CFAP210: variants seen among roughly 807,000 people sequenced by gnomAD.
The protein encoded by CFAP210 is cilia and flagella associated protein 210.
the CFAP210 span, chr2:169,694,374 A>G: frequency 1.3e-6 from 2 of 1,581,888 alleles, no homozygotes; most frequent in South Asian, 1.1e-5. Context: ...AGCGCCGCGG[A>G]CGCCAGCCGG....
At chr2:169,664,600 T>A in the CFAP210 span, among the ~76,000 whole-genome samples, 2 of 152,226 alleles carry the variant, frequency 1.3e-5, no homozygotes, top group South Asian at 4.1e-4. Flanking sequence ...CAAAGTTAAC[T>A]TGTTGAAGTA....
chr2:169,660,599 TA>T, the CFAP210 span, among the ~76,000 whole-genome samples: 2 of 104,954 alleles, frequency 1.9e-5, no homozygotes, highest in South Asian at 3.3e-4. Context: ...TATATATATA[TA>T]TATATTTTTT....
At chr2:169,673,691 A>C in the CFAP210 span, among the ~76,000 whole-genome samples, 15 of 152,306 alleles carry the variant, frequency 9.8e-5, 1 homozygote, top group Non-Finnish European at 2.2e-4. Context: ...TCAGGAAAAA[A>C]GTCTGTGTCG....
At chr2:169,655,533 T>A in the CFAP210 span, among the ~76,000 whole-genome samples, 1 of 152,364 alleles carries the variant, frequency 6.6e-6, no homozygotes, top group East Asian at 1.9e-4. Flanking sequence ...TTTTGGATAA[T>A]TCCTTACATG....
the CFAP210 span, among the ~76,000 whole-genome samples, chr2:169,654,379 T>C: frequency 6.6e-6 from 1 of 152,362 alleles, no homozygotes; most frequent in South Asian, 2.1e-4. Context: ...TAAAGGTTTA[T>C]GTGTCATGTA....
chr2:169,646,918 TAAC>T, the CFAP210 span, among the ~76,000 whole-genome samples: 1 of 152,168 alleles, frequency 6.6e-6, no homozygotes, highest in African/African-American at 2.4e-5. Context: ...TTTTTTAAAA[TAAC>T]AGTTACTTTG....
At chr2:169,694,360 G>A in the CFAP210 span, 2 of 1,604,808 alleles carry the variant, frequency 1.2e-6, no homozygotes, top group African/African-American at 2.7e-5. Context: ...TGACTGTGGC[G>A]CCAAGCGCCG....
At chr2:169,678,696 G>A in the CFAP210 span, among the ~76,000 whole-genome samples, 6 of 151,354 alleles carry the variant, frequency 4.0e-5, no homozygotes, top group East Asian at 2.0e-4. Flanking sequence ...ATGATGGTGC[G>A]GGCCTGTATT....
chr2:169,671,853 A>G, the CFAP210 span, among the ~76,000 whole-genome samples: 1 of 152,226 alleles, frequency 6.6e-6, no homozygotes, highest in Non-Finnish European at 1.5e-5. Flanking sequence ...GAGGTTGTTC[A>G]ATAAATGTTT....
the CFAP210 span, among the ~76,000 whole-genome samples, chr2:169,682,485 T>TACACAC: frequency 1.3e-4 from 19 of 150,870 alleles, no homozygotes; most frequent in Admixed American, 6.0e-4. Flanking sequence ...CCATTTTCTA[T>TACACAC]ACACACACAC....
chr2:169,666,035 T>G, the CFAP210 span, among the ~76,000 whole-genome samples: 45 of 152,202 alleles, frequency 3.0e-4, no homozygotes, highest in African/African-American at 6.7e-4. Flanking sequence ...CAGCCTACCT[T>G]GATTCTTATA....
the CFAP210 span, chr2:169,650,316 T>C: frequency 1.9e-6 from 3 of 1,546,962 alleles, no homozygotes; most frequent in African/African-American, 1.4e-5. Context: ...ATTTTCATAA[T>C]TGAATTGTTT....
chr2:169,687,808 G>A, the CFAP210 span, among the ~76,000 whole-genome samples: 29 of 152,152 alleles, frequency 1.9e-4, no homozygotes, highest in Non-Finnish European at 3.2e-4. Flanking sequence ...TGGGAGCTCC[G>A]GCCCCACAAT....
At chr2:169,674,628 C>T in the CFAP210 span, 1 of 1,608,978 alleles carries the variant, frequency 6.2e-7, no homozygotes, top group Non-Finnish European at 8.5e-7. Flanking sequence ...CGTTTTTCTG[C>T]TTTTTCTTGT....
At chr2:169,652,802 T>C in the CFAP210 span, among the ~76,000 whole-genome samples, 4 of 149,390 alleles carry the variant, frequency 2.7e-5, no homozygotes, top group Non-Finnish European at 5.9e-5. Context: ...GAGACCATCC[T>C]GGCTAACACG....
the CFAP210 span, among the ~76,000 whole-genome samples, chr2:169,664,223 A>T: frequency 4.1e-4 from 62 of 152,226 alleles, no homozygotes; most frequent in African/African-American, 1.4e-3. Context: ...TTTGAAGAAC[A>T]TTGTAAAAAG....
chr2:169,655,415 T>C, the CFAP210 span, among the ~76,000 whole-genome samples: 1,433 of 152,312 alleles, frequency 9.4e-3, 29 homozygotes, highest in African/African-American at 0.032. Flanking sequence ...TCTTAACTAA[T>C]CTCCTATTTT....
chr2:169,693,237 A>C, the CFAP210 span, among the ~76,000 whole-genome samples: 1 of 152,378 alleles, frequency 6.6e-6, no homozygotes, highest in South Asian at 2.1e-4. Flanking sequence ...AAAATTTAGC[A>C]GTGAGGCTCA....
chr2:169,660,420 T>C, the CFAP210 span, among the ~76,000 whole-genome samples: 1 of 119,630 alleles, frequency 8.4e-6, no homozygotes, highest in East Asian at 2.1e-4. Flanking sequence ...TTCATTTCAC[T>C]GTTTTTTTTT....
Sources: gnomAD v4.1 joint callset for allele counts (sites outside exome capture counted in the v4.1 genomes callset) on GRCh38, gnomAD v4.1.1 for gene constraint, MANE v1.5 for transcripts, NCBI Gene and HGNC (gene_info 2026-07-23, HGNC 2026-07-21) for gene names.